SLC25A33: variants seen among roughly 807,000 people sequenced by gnomAD.
SLC25A33 encodes bone marrow stromal cell mitochondrial carrier protein.
Under a neutral mutation model 35.5 loss-of-function variants are expected in SLC25A33, and 15 were observed. The observed-to-expected ratio is 0.42, with a 90% CI of 0.28 to 0.65. The LOEUF (loss-of-function observed/expected upper bound fraction) is 0.65, where lower values mean the gene tolerates loss of function less well. SLC25A33 is among the 30% of genes least tolerant of loss of function. The pLI is 0.20. For missense variants in SLC25A33, 257 were observed against 398.5 expected (o/e 0.64, Z 3.02); for synonymous variants, 136 against 148.7 (o/e 0.91, Z 0.62).
At chr1:9,579,790 C>A (rs947503741) in intron 5 of SLC25A33, among the ~76,000 whole-genome samples, 164 bp from the exon 6 acceptor site, 2 of 152,188 alleles carry the variant, frequency 1.3e-5, no homozygotes, top group African/African-American at 2.4e-5. Flanking sequence ...CCTGCGGCCT[C>A]ACACACCCCA....
rs77102848 is a variant in SLC25A33, at chr1:9,573,341, T to C, written c.416-5T>C. ...GTTGACCTTTACTGTTTTTTTTTTT[T>C]CCAGCTTTTATCACAAATTCCTTAA... On this transcript the variant is annotated splice_region_variant and splice_polypyrimidine_tract_variant and intron_variant, in intron 4 of 6. Coordinates refer to ENST00000302692, the MANE Select transcript of SLC25A33 (RefSeq NM_032315.3). 18 of 1,598,520 alleles carry C rather than the reference T, an allele frequency of 1.1e-5. No individual in the cohort carries two copies. The highest frequency in any genetic ancestry group is 1.7e-5 in the Admixed American group (1 of 58,172).
chr1:9,550,864 G>T (rs992118883), intron 1 of SLC25A33, among the ~76,000 whole-genome samples: 6 of 151,796 alleles, frequency 4.0e-5, no homozygotes, highest in Non-Finnish European at 8.8e-5. Flanking sequence ...TCTTGGTAGA[G>T]ACAGGGTTTT....
chr1:9,570,357 A>T lies in SLC25A33; in HGVS notation c.414A>T (p.Ala138=). The T allele has an allele frequency of 6.2e-7, 1 of 1,613,088 alleles. No individual in the cohort carries two copies. Among genetic ancestry groups the T allele is most frequent in the Non-Finnish European group, 8.5e-7 (1 of 1,179,222 alleles). Residue 138 remains alanine, a splice_region_variant and synonymous_variant, in exon 4 of 7, where the codon GCA becomes GCT. Coordinates refer to ENST00000302692, the MANE Select transcript of SLC25A33 (RefSeq NM_032315.3). ...NIVHIFSAGS[A]AFITNSLMNP... ...TGCATATTTTCTCAGCTGGCTCTGC[A>T]GGTATGTTACCCTAGTGAGTGAAGA...
At chr1:9,572,338 T>G (rs9430152) in intron 4 of SLC25A33, among the ~76,000 whole-genome samples, 45,022 of 152,028 alleles carry the variant, frequency 0.3, 9,121 homozygotes, top group African/African-American at 0.58. Context: ...TCAGCCGGGC[T>G]TGGTGGCTCA....
intron 4 of SLC25A33, 135 bp from the exon 5 acceptor site, chr1:9,573,211 A>T: frequency 1.7e-6 from 1 of 598,136 alleles, no homozygotes; most frequent in Non-Finnish European, 2.9e-6. Context: ...GCAGGATAGA[A>T]ATATAACTGC....
intron 6 of SLC25A33, among the ~76,000 whole-genome samples, chr1:9,580,747 T>C (rs1358877374): frequency 6.6e-6 from 1 of 151,728 alleles, no homozygotes; most frequent in Non-Finnish European, 1.5e-5. Context: ...TCCCAGCTAC[T>C]TGGGAAGCTG....
At chr1:9,551,518 A>G (rs1643266868) in intron 1 of SLC25A33, among the ~76,000 whole-genome samples, 1 of 152,164 alleles carries the variant, frequency 6.6e-6, no homozygotes, top group African/African-American at 2.4e-5. Context: ...AGCTGCATAA[A>G]CATTCTATAT....
intron 5 of SLC25A33, chr1:9,576,472 G>A (rs576922608): frequency 7.0e-6 from 3 of 431,544 alleles, no homozygotes; most frequent in Admixed American, 2.7e-5. Context: ...TCCAGAAAAT[G>A]TCAACATTAC....
intron 2 of SLC25A33, among the ~76,000 whole-genome samples, chr1:9,554,965 A>G (rs1643319022): frequency 6.6e-6 from 1 of 152,188 alleles, no homozygotes; most frequent in South Asian, 2.1e-4. Context: ...TGATATTCAA[A>G]TCTTTGAAAC....
At position 9,585,155 on chromosome 1, in the gene SLC25A33, T is replaced by C. The variant is rs984298060; in HGVS notation, c.*2654T>C. Reference sequence around the variant, plus strand: ...TTGTTTTCACTCCTTCTTGAATGAATAAATTTGATAGTAACCAATTATAAT... The same window carrying C: ...TTGTTTTCACTCCTTCTTGAATGAACAAATTTGATAGTAACCAATTATAAT... On this transcript the variant is annotated 3_prime_UTR_variant, in exon 7 of 7. Coordinates refer to ENST00000302692, the MANE Select transcript of SLC25A33 (RefSeq NM_032315.3). The C allele has an allele frequency of 7.9e-5, 12 of 152,278 alleles. No homozygotes were observed. Among genetic ancestry groups the C allele is most frequent in the African/African-American group, 2.4e-4 (10 of 41,474 alleles). The allele number at this position is 152,278 out of a possible 1,614,324, so 9.4% of individuals were successfully genotyped here.
At chr1:9,576,084 A>G (rs747958791) in intron 5 of SLC25A33, among the ~76,000 whole-genome samples, 1 of 152,200 alleles carries the variant, frequency 6.6e-6, no homozygotes, top group Non-Finnish European at 1.5e-5. Context: ...GAGCCTGTAT[A>G]TGTATTCTTG....
intron 2 of SLC25A33, among the ~76,000 whole-genome samples, chr1:9,562,729 C>T (rs1045171974): frequency 3.3e-5 from 5 of 150,784 alleles, no homozygotes; most frequent in African/African-American, 1.2e-4. Flanking sequence ...TGGCGGGTGC[C>T]TGTAATCCCA....
intron 1 of SLC25A33, among the ~76,000 whole-genome samples, chr1:9,550,888 G>C (rs901450498): frequency 4.6e-5 from 7 of 151,822 alleles, no homozygotes; most frequent in African/African-American, 1.7e-4. Context: ...CTGTTGGCCA[G>C]GCTGGTCTCC....
intron 1 of SLC25A33, among the ~76,000 whole-genome samples, chr1:9,545,681 G>A (rs1476895032): frequency 6.6e-6 from 1 of 151,006 alleles, no homozygotes; most frequent in Admixed American, 6.6e-5. Context: ...GATTACAGGC[G>A]TGAGCCACCG....
chr1:9,553,522 C>T (rs765020538), intron 1 of SLC25A33, 104 bp from the exon 2 acceptor site: 109 of 1,360,026 alleles, frequency 8.0e-5, no homozygotes, highest in Admixed American at 4.8e-4. Context: ...CGTGAGCCAC[C>T]GCGCCCGGCA....
In SLC25A33 at chr1:9,545,086, G is replaced by A. The variant is rs555990489; in HGVS notation, c.56+5339G>A. The stretch of plus-strand genomic sequence containing the variant: ...GAAAAATTAAACTAGGGAGGCATGG[G>A]TGTAAAAGGATTAGAAGGTTAACTG... On this transcript the variant is annotated intron_variant, in intron 1 of 6. Coordinates refer to ENST00000302692, the MANE Select transcript of SLC25A33 (RefSeq NM_032315.3). 2.0e-5 allele frequency among the ~76,000 whole-genome samples: 3 copies of A among 152,286 alleles called. No individual in the cohort carries two copies. In the East Asian group the frequency reaches 5.8e-4, roughly 29 times the overall value.
intron 3 of SLC25A33, among the ~76,000 whole-genome samples, chr1:9,568,873 A>T (rs1643549493): frequency 6.6e-6 from 1 of 151,324 alleles, no homozygotes; most frequent in South Asian, 2.1e-4. Flanking sequence ...ATGAAGTCTT[A>T]CAACAAAAAT....
chr1:9,555,302 T>C (rs1643325759), intron 2 of SLC25A33, among the ~76,000 whole-genome samples: 1 of 151,862 alleles, frequency 6.6e-6, no homozygotes, highest in East Asian at 1.9e-4. Context: ...GTATTTTTAG[T>C]AGAGACGGGG....
At chr1:9,560,762 T>C (rs116699322) in intron 2 of SLC25A33, among the ~76,000 whole-genome samples, 3,134 of 150,094 alleles carry the variant, frequency 0.021, 103 homozygotes, top group African/African-American at 0.072. Flanking sequence ...GAACCTATCT[T>C]TTTTTTTTTA....
Sources: allele counts gnomAD v4.1 joint callset (sites outside exome capture counted in the v4.1 genomes callset), GRCh38; gene constraint gnomAD v4.1.1; transcripts MANE v1.5; gene names NCBI Gene and HGNC (gene_info 2026-07-23, HGNC 2026-07-21).